Variants in FAM124A observed in about 807,000 individuals in gnomAD.
The protein encoded by FAM124A is protein FAM124A.
Under a neutral mutation model 24.5 loss-of-function variants are expected in FAM124A, and 23 were observed. The observed-to-expected ratio is 0.94, with a 90% CI of 0.68 to 1.33. FAM124A has a LOEUF of 1.33. FAM124A is among the 40% of genes most tolerant of loss of function. The pLI, the probability that FAM124A is intolerant of heterozygous loss-of-function variation, is 0.00. For missense variants in FAM124A, 623 were observed against 722.8 expected (o/e 0.86, Z 1.58); for synonymous variants, 287 against 314.7 (o/e 0.91, Z 0.93).
intron 2 of FAM124A, among the ~76,000 whole-genome samples, chr13:51,232,598 A>C (rs759412819): frequency 1.1e-4 from 16 of 152,346 alleles, no homozygotes; most frequent in Middle Eastern, 6.8e-3. Context: ...AGTTCAGCCA[A>C]CTGGAGACCA....
chr13:51,279,586 C>G (rs565079677), intron 3 of FAM124A, among the ~76,000 whole-genome samples: 1 of 152,148 alleles, frequency 6.6e-6, no homozygotes, highest in Admixed American at 6.5e-5. Context: ...GAAGCAGACC[C>G]TGGTGCAAAT....
chr13:51,279,204 A>AT (rs1198987142), intron 3 of FAM124A, among the ~76,000 whole-genome samples: 1 of 152,150 alleles, frequency 6.6e-6, no homozygotes, highest in East Asian at 1.9e-4. Context: ...GCCTCATTTT[A>AT]TTTTCTCTTG....
At position 51,241,211 on chromosome 13, in the gene FAM124A, G is replaced by T. The variant is rs1445404620; in HGVS notation, c.100+9832G>T. Among the ~76,000 whole-genome samples, 4 of 152,220 alleles carry T rather than the reference G, an allele frequency of 2.6e-5. No homozygotes were observed. The East Asian group carries it at 7.7e-4, about 29-fold the overall frequency. ...GCCATCCTCCCTGAAGCAGTGAACA[G>T]CCAGGACTCTGTAGGTGGAGGGCCC... On this transcript the variant is annotated intron_variant, in intron 2 of 3. Coordinates refer to ENST00000322475, the MANE Select transcript of FAM124A (RefSeq NM_001242312.2).
intron 1 of FAM124A, among the ~76,000 whole-genome samples, chr13:51,229,104 G>A (rs1217581157): frequency 1.3e-5 from 2 of 152,240 alleles, no homozygotes; most frequent in Non-Finnish European, 2.9e-5. Context: ...GAGGATCAGA[G>A]GCTGGAGAGC....
At chr13:51,245,001 T>C (rs1222867308) in intron 2 of FAM124A, among the ~76,000 whole-genome samples, 1 of 152,198 alleles carries the variant, frequency 6.6e-6, no homozygotes, top group Non-Finnish European at 1.5e-5. Flanking sequence ...TGTTGTCTTC[T>C]GCCAAGGAAA....
rs1020940671 is a variant in FAM124A, at chr13:51,282,214, C to T, written c.*958C>T. On this transcript the variant is annotated 3_prime_UTR_variant, in exon 4 of 4. Coordinates refer to ENST00000322475, the MANE Select transcript of FAM124A (RefSeq NM_001242312.2). ...TTTCTGCAGTGACCATGCTGGGTCA[C>T]GCATCCTATGTTTCTCATTTTTAAA... 3 of 152,188 alleles carry T rather than the reference C, an allele frequency of 2.0e-5. No homozygotes were observed. Among genetic ancestry groups the T allele is most frequent in the African/African-American group, 4.8e-5 (2 of 41,434 alleles). 9.4% of individuals were successfully genotyped at this position (152,188 alleles called of 1,614,324 possible).
chr13:51,224,767 T>A (rs1954299674), intron 1 of FAM124A, among the ~76,000 whole-genome samples: 1 of 152,220 alleles, frequency 6.6e-6, no homozygotes, highest in Non-Finnish European at 1.5e-5. Context: ...TTCAAACTTT[T>A]ATGGCTCTGT....
rs538479538 is a variant in FAM124A, at chr13:51,281,498, A to G, written c.*242A>G. The G allele has an allele frequency of 7.0e-6, 3 of 428,658 alleles. No individual in the cohort carries two copies. In the Admixed American group the frequency reaches 1.2e-4, roughly 17 times the overall value. The allele number at this position is 428,658 out of a possible 1,614,324, so 26.6% of individuals were successfully genotyped here. A position where few individuals can be genotyped will look rare whatever the true frequency, so the allele number is the denominator to read the frequency against. On this transcript the variant is annotated 3_prime_UTR_variant, in exon 4 of 4. Transcript: ENST00000322475. ...AACTTGTCATAAAATATATTTTTTG[A>G]ATATTCAGCATTTGAGGTATGGTTT...
intron 2 of FAM124A, among the ~76,000 whole-genome samples, chr13:51,235,586 C>T (rs1954427613): frequency 6.6e-6 from 1 of 150,434 alleles, no homozygotes; most frequent in Admixed American, 6.6e-5. Flanking sequence ...AGGAAGTAGT[C>T]AAAGAATTAA....
At chr13:51,250,328 G>C (rs1954605777) in intron 2 of FAM124A, among the ~76,000 whole-genome samples, 1 of 152,104 alleles carries the variant, frequency 6.6e-6, no homozygotes, top group African/African-American at 2.4e-5. Flanking sequence ...TGTAAAGGCA[G>C]ATCTAGATTC....
At chr13:51,246,833 G>A (rs1954569447) in intron 2 of FAM124A, among the ~76,000 whole-genome samples, 1 of 152,242 alleles carries the variant, frequency 6.6e-6, no homozygotes, top group Admixed American at 6.5e-5. Context: ...AGATGGCACA[G>A]GGCTGAGCGC....
chr13:51,233,965 G>A (rs1954407633), intron 2 of FAM124A, among the ~76,000 whole-genome samples: 2 of 152,158 alleles, frequency 1.3e-5, no homozygotes, highest in South Asian at 4.1e-4. Flanking sequence ...TCTGTGTCCA[G>A]CAGGGTCCTG....
Position 51,258,794 on chromosome 13 carries a change from G to A in FAM124A, c.834+6593G>A, listed in dbSNP as rs916274139. 2.0e-5 allele frequency among the ~76,000 whole-genome samples: 3 copies of A among 152,150 alleles called. No homozygotes were observed. Among genetic ancestry groups the A allele is most frequent in the Admixed American group, 6.5e-5 (1 of 15,280 alleles). ...GGAAGAATGCCTCTGGCGTGCCCTC[G>A]GTCAGCACCCATGACCCGGGAATGG... On this transcript the variant is annotated intron_variant, in intron 3 of 3. Transcript: ENST00000322475. This position sits in a 1 kb window ranked among gnomAD's most constrained non-coding sequence, Gnocchi z 4.2.
At chr13:51,253,768 T>G (rs1954649164) in intron 3 of FAM124A, among the ~76,000 whole-genome samples, 1 of 152,198 alleles carries the variant, frequency 6.6e-6, no homozygotes, top group African/African-American at 2.4e-5. Context: ...TCAAGGAAGA[T>G]CCACATATTT....
intron 1 of FAM124A, among the ~76,000 whole-genome samples, chr13:51,228,745 G>A (rs1052825690): frequency 5.9e-5 from 9 of 152,030 alleles, no homozygotes; most frequent in African/African-American, 1.2e-4. Context: ...TTTCCTAACC[G>A]TATTTCTAGT....
intron 1 of FAM124A, 68 bp downstream of exon 1, chr13:51,222,637 AC>A (rs1466962454): frequency 1.7e-6 from 2 of 1,188,680 alleles, no homozygotes; most frequent in South Asian, 8.4e-5. Context: ...TCCTCCCCGG[AC>A]GGGGACCCTC....
chr13:51,254,181 A>G (rs1458321846), intron 3 of FAM124A, among the ~76,000 whole-genome samples: 1 of 152,200 alleles, frequency 6.6e-6, no homozygotes, highest in East Asian at 1.9e-4. Context: ...GCCATTTTGA[A>G]CTGTAATGTT....
intron 3 of FAM124A, among the ~76,000 whole-genome samples, chr13:51,267,628 C>T (rs1954801616): frequency 6.6e-6 from 1 of 151,848 alleles, no homozygotes; most frequent in Non-Finnish European, 1.5e-5. Flanking sequence ...AAAGTGTTCT[C>T]CTTTTCTGAT....
At position 51,281,725 on chromosome 13, in the gene FAM124A, C is replaced by CAT. The variant is rs2137718865; in HGVS notation, c.*476_*477dup. 6.5e-6 allele frequency: 1 copy of CAT among 153,260 alleles called. No individual in the cohort carries two copies. The highest frequency in any genetic ancestry group is 1.9e-4 in the East Asian group (1 of 5,194). The allele number at this position is 153,260 out of a possible 1,614,324, so 9.5% of individuals were successfully genotyped here. A position where few individuals can be genotyped will look rare whatever the true frequency, so the allele number is the denominator to read the frequency against. On this transcript the variant is annotated 3_prime_UTR_variant, in exon 4 of 4. Transcript: ENST00000322475. The stretch of plus-strand genomic sequence containing the variant: ...GTAACGCACACCTTACTGGATTCTC[C>CAT]ATATATATTTACATTACCAGAGAAC...
Sources: allele counts gnomAD v4.1 joint callset (sites outside exome capture counted in the v4.1 genomes callset), GRCh38; gene constraint gnomAD v4.1.1; non-coding constraint Gnocchi (gnomAD v3.1); transcripts MANE v1.5; gene names NCBI Gene and HGNC (gene_info 2026-07-23, HGNC 2026-07-21).